The following PRRX1 variants were observed in gnomAD, a reference collection of about 807,000 sequenced individuals.
The protein encoded by PRRX1 is paired mesoderm homeobox protein 1.
Under a neutral mutation model 24.0 loss-of-function variants are expected in PRRX1, and 8 were observed. That is an observed-to-expected ratio of 0.33 (90% CI 0.20 to 0.60). The LOEUF (loss-of-function observed/expected upper bound fraction) is 0.60, where lower values mean the gene tolerates loss of function less well. Ranked by LOEUF, PRRX1 falls within the 20% of genes least tolerant of loss-of-function variation. The pLI is 0.82. For missense variants in PRRX1, 281 were observed against 322.4 expected (o/e 0.87, Z 0.98); for synonymous variants, 160 against 131.7 (o/e 1.22, Z -1.47).
At chr1:170,670,466 A>T (rs1007618215) in intron 1 of PRRX1, among the ~76,000 whole-genome samples, 5 of 152,168 alleles carry the variant, frequency 3.3e-5, no homozygotes, top group African/African-American at 1.2e-4. Context: ...GCAGAGAAAC[A>T]GTCATTAGTG....
intron 1 of PRRX1, among the ~76,000 whole-genome samples, chr1:170,687,133 T>TC (rs922888780): frequency 2.1e-5 from 3 of 143,964 alleles, no homozygotes; most frequent in Non-Finnish European, 4.5e-5. Flanking sequence ...TCTCTCTCTC[T>TC]TTTTTTTTTA....
intron 1 of PRRX1, among the ~76,000 whole-genome samples, chr1:170,698,451 C>T (rs1654247254): frequency 6.6e-6 from 1 of 152,142 alleles, no homozygotes; most frequent in South Asian, 2.1e-4. Flanking sequence ...GGAAATGCTT[C>T]AGCTCAATGC....
At chr1:170,708,670 T>G (rs1418850927) in intron 1 of PRRX1, among the ~76,000 whole-genome samples, 1 of 152,204 alleles carries the variant, frequency 6.6e-6, no homozygotes, top group Non-Finnish European at 1.5e-5. Context: ...TGTATCATCA[T>G]TATCAAAGTC....
intron 1 of PRRX1, among the ~76,000 whole-genome samples, chr1:170,690,535 A>G (rs1398068186): frequency 2.0e-5 from 3 of 151,912 alleles, no homozygotes; most frequent in Non-Finnish European, 4.4e-5. Flanking sequence ...TTTATTTATA[A>G]TAATATTCAT....
intron 1 of PRRX1, among the ~76,000 whole-genome samples, chr1:170,686,807 G>C (rs983768972): frequency 6.6e-6 from 1 of 152,134 alleles, no homozygotes; most frequent in African/African-American, 2.4e-5. Context: ...TCTACACTTT[G>C]AGGGTTCAAA....
chr1:170,673,441 T>C (rs1653207806), intron 1 of PRRX1, among the ~76,000 whole-genome samples: 1 of 152,304 alleles, frequency 6.6e-6, no homozygotes, highest in South Asian at 2.1e-4. Flanking sequence ...GTGGAACACC[T>C]TTCTAATCTA....
chr1:170,705,816 A>T (rs536199270), intron 1 of PRRX1, among the ~76,000 whole-genome samples: 1 of 151,984 alleles, frequency 6.6e-6, no homozygotes, highest in Admixed American at 6.6e-5. Context: ...GTTCCTTCTC[A>T]TGTGAGCAAT....
At chr1:170,729,472 T>C (rs894624460) in intron 3 of PRRX1, among the ~76,000 whole-genome samples, 3 of 152,186 alleles carry the variant, frequency 2.0e-5, no homozygotes, top group Non-Finnish European at 4.4e-5. Flanking sequence ...ATGGTCAGAA[T>C]TTTGGGTTGG....
intron 1 of PRRX1, among the ~76,000 whole-genome samples, chr1:170,710,807 G>A (rs1373321406): frequency 6.6e-6 from 1 of 152,192 alleles, no homozygotes; most frequent in East Asian, 1.9e-4. Context: ...GCAGTTGTTT[G>A]CAGGCCAGGA....
At chr1:170,701,649 G>C (rs999001184) in intron 1 of PRRX1, among the ~76,000 whole-genome samples, 3 of 152,132 alleles carry the variant, frequency 2.0e-5, no homozygotes, top group Non-Finnish European at 4.4e-5. Context: ...TATTGCAACA[G>C]GGAGAATGCT....
chr1:170,667,104 A>G (rs907793698), intron 1 of PRRX1, among the ~76,000 whole-genome samples: 1 of 152,152 alleles, frequency 6.6e-6, no homozygotes, highest in Non-Finnish European at 1.5e-5. Context: ...ACTCGGGCTC[A>G]TCTCAGAGTT....
At chr1:170,691,500 C>CCTTTCCTTTCCTTTCCTTTCCTT (rs1558050428) in intron 1 of PRRX1, among the ~76,000 whole-genome samples, 11 of 144,438 alleles carry the variant, frequency 7.6e-5, no homozygotes, top group African/African-American at 2.8e-4. Context: ...CCTTTCCTTT[C>CCTTTCCTTTCCTTTCCTTTCCTT]CTTTCCTTTC....
At position 170,736,536 on chromosome 1, in the gene PRRX1, C is replaced by A; in HGVS notation, c.*350C>A. ...AAGTTTTAAAAAAAACTACAGCAGC[C>A]AAAGAAACTATATATATATATATAT... On this transcript the variant is annotated 3_prime_UTR_variant, in exon 4 of 4. Coordinates refer to ENST00000239461, the MANE Select transcript of PRRX1 (RefSeq NM_022716.4). 3.4e-6 allele frequency: 1 copy of A among 298,446 alleles called. No individual in the cohort carries two copies. Among genetic ancestry groups the A allele is most frequent in the Non-Finnish European group, 6.1e-6 (1 of 164,516 alleles). 18.5% of individuals were successfully genotyped at this position (298,446 alleles called of 1,614,324 possible).
At chr1:170,678,171 T>G (rs1278088140) in intron 1 of PRRX1, among the ~76,000 whole-genome samples, 1 of 152,226 alleles carries the variant, frequency 6.6e-6, no homozygotes, top group Non-Finnish European at 1.5e-5. Flanking sequence ...TTGAGTAAGA[T>G]ACACATTCTG....
At chr1:170,705,622 C>T (rs983473152) in intron 1 of PRRX1, among the ~76,000 whole-genome samples, 1 of 151,968 alleles carries the variant, frequency 6.6e-6, no homozygotes, top group Non-Finnish European at 1.5e-5. Context: ...TTGTTTACTG[C>T]TAAGTTCAGC....
At chr1:170,664,732 C>T (rs1558040501) in intron 1 of PRRX1, among the ~76,000 whole-genome samples, 1 of 152,242 alleles carries the variant, frequency 6.6e-6, no homozygotes, top group Non-Finnish European at 1.5e-5. Context: ...ACTCTGTCCG[C>T]GGCGGACTCT....
At chr1:170,689,732 T>TG (rs912083521) in intron 1 of PRRX1, among the ~76,000 whole-genome samples, 38 of 151,200 alleles carry the variant, frequency 2.5e-4, no homozygotes, top group African/African-American at 9.0e-4. Context: ...TGGAGTGAGG[T>TG]GGGGAGTGCA....
chr1:170,719,997 G>A (rs1238289133), intron 2 of PRRX1, 96 bp downstream of exon 2: 12 of 1,483,834 alleles, frequency 8.1e-6, no homozygotes, highest in Non-Finnish European at 1.1e-5. Flanking sequence ...GCCCAGCACA[G>A]TGGCTCATGC....
At chr1:170,676,984 T>C (rs987003283) in intron 1 of PRRX1, among the ~76,000 whole-genome samples, 1 of 152,120 alleles carries the variant, frequency 6.6e-6, no homozygotes, top group Non-Finnish European at 1.5e-5. Context: ...ATTTGAGAAA[T>C]AAAGGGCTAA....
Sources: gnomAD v4.1 joint callset for allele counts (sites outside exome capture counted in the v4.1 genomes callset) on GRCh38, gnomAD v4.1.1 for gene constraint, MANE v1.5 for transcripts, NCBI Gene and HGNC (gene_info 2026-07-23, HGNC 2026-07-21) for gene names.